Variants in CEP83 observed in about 807,000 individuals in gnomAD.
CEP83 encodes the protein centrosomal protein 83, also known as centrosomal protein of 83 kDa.
CEP83 carries 70 observed loss-of-function variants against 101.9 expected under a neutral mutation model. The observed-to-expected ratio is 0.69, with a 90% CI of 0.57 to 0.84. The LOEUF is 0.84. CEP83 is among the 40% of genes least tolerant of loss of function. The pLI is 0.00. For missense variants in CEP83, 715 were observed against 787.2 expected (o/e 0.91, Z 1.10); for synonymous variants, 264 against 267.9 (o/e 0.99, Z 0.14).
chr12:94,415,695 A>T (rs1161063377), intron 2 of CEP83, among the ~76,000 whole-genome samples: 1 of 151,424 alleles, frequency 6.6e-6, no homozygotes, highest in Non-Finnish European at 1.5e-5. Flanking sequence ...ACTAAATAGT[A>T]AGGCAGAAGT....
At chr12:94,450,173 A>G (rs190632347) in intron 1 of CEP83, among the ~76,000 whole-genome samples, 40 of 152,370 alleles carry the variant, frequency 2.6e-4, no homozygotes, top group African/African-American at 9.4e-4. Context: ...GCAAAAATGA[A>G]GAAATAAATA....
At chr12:94,438,882 A>T (rs1338645388) in intron 1 of CEP83, among the ~76,000 whole-genome samples, 1 of 152,238 alleles carries the variant, frequency 6.6e-6, no homozygotes, top group Non-Finnish European at 1.5e-5. Flanking sequence ...CTTCAAAACT[A>T]TACAAATATA....
intron 2 of CEP83, among the ~76,000 whole-genome samples, chr12:94,433,006 A>C (rs1000497139): frequency 2.6e-5 from 4 of 152,224 alleles, no homozygotes; most frequent in Admixed American, 6.5e-5. Flanking sequence ...GCAGCAGCTA[A>C]AATTAACAAA....
At chr12:94,269,525 A>T in the CEP83 span, among the ~76,000 whole-genome samples, 1 of 152,320 alleles carries the variant, frequency 6.6e-6, no homozygotes, top group East Asian at 1.9e-4. Context: ...TGCTCTGCCT[A>T]CCAGTGCTGG....
chr12:94,311,763 G>T (rs1292091866), intron 15 of CEP83, among the ~76,000 whole-genome samples: 1 of 152,180 alleles, frequency 6.6e-6, no homozygotes, highest in East Asian at 1.9e-4. Context: ...GGCCTTCACA[G>T]ATCATCATCT....
intron 6 of CEP83, among the ~76,000 whole-genome samples, chr12:94,392,601 C>T (rs991638915): frequency 6.6e-6 from 1 of 152,102 alleles, no homozygotes; most frequent in Admixed American, 6.5e-5. Context: ...AGAGCAAACA[C>T]ATTCAAAAGC....
chr12:94,393,163 GAC>G (rs1237484455), intron 6 of CEP83, among the ~76,000 whole-genome samples: 2 of 152,158 alleles, frequency 1.3e-5, no homozygotes, highest in African/African-American at 2.4e-5. Flanking sequence ...GCCTGGAAGA[GAC>G]ACAACAAAAA....
At chr12:94,328,239 G>A (rs1273556900) in intron 14 of CEP83, 1 of 329,612 alleles carries the variant, frequency 3.0e-6, no homozygotes, top group Non-Finnish European at 6.2e-6. Flanking sequence ...TTCAATGGGG[G>A]TGGGGGGAAT....
intron 11 of CEP83, among the ~76,000 whole-genome samples, chr12:94,340,279 A>G (rs554474473): frequency 3.3e-5 from 5 of 152,224 alleles, no homozygotes; most frequent in African/African-American, 1.2e-4. Context: ...GTTATTTGCT[A>G]TTATATCAAA....
downstream of CEP83, among the ~76,000 whole-genome samples, chr12:94,301,827 C>T (rs1239705523): frequency 1.3e-5 from 2 of 152,184 alleles, no homozygotes; most frequent in Non-Finnish European, 1.5e-5. Flanking sequence ...TCTTCCCTAG[C>T]ATTGCCTAGT....
downstream of CEP83, among the ~76,000 whole-genome samples, chr12:94,302,118 C>T (rs560381506): frequency 6.6e-6 from 1 of 152,292 alleles, no homozygotes; most frequent in East Asian, 1.9e-4. Context: ...TGTCAGTCTG[C>T]TTCTTAAAAA....
chr12:94,308,949 G>C, intron 16 of CEP83, 32 bp from the exon 17 acceptor site: 1 of 1,476,950 alleles, frequency 6.8e-7, no homozygotes, highest in Non-Finnish European at 9.5e-7. Context: ...CATAGCAAAA[G>C]AAACTATTAG....
At chr12:94,400,572 TAAGACAA>T (rs942900382) in intron 6 of CEP83, among the ~76,000 whole-genome samples, 3 of 152,082 alleles carry the variant, frequency 2.0e-5, no homozygotes, top group African/African-American at 7.2e-5. Context: ...TGTGGCTACA[TAAGACAA>T]AAGACTTTGT....
intron 13 of CEP83, 35 bp downstream of exon 13, chr12:94,333,447 G>GA: frequency 6.3e-7 from 1 of 1,577,862 alleles, no homozygotes; most frequent in Non-Finnish European, 8.6e-7. Flanking sequence ...ATAGAAAAAA[G>GA]AAAAAATAGT....
intron 11 of CEP83, among the ~76,000 whole-genome samples, chr12:94,345,169 C>A (rs1376727748): frequency 6.6e-6 from 1 of 152,088 alleles, no homozygotes; most frequent in Non-Finnish European, 1.5e-5. Context: ...AAATATTAAT[C>A]TTTTAGAAGA....
At chr12:94,267,613 G>T in the CEP83 span, among the ~76,000 whole-genome samples, 12 of 152,134 alleles carry the variant, frequency 7.9e-5, no homozygotes, top group African/African-American at 2.7e-4. Flanking sequence ...TAGGGGCCTT[G>T]CCTTTAAAAA....
At chr12:94,381,643 G>A (rs1357641227) in intron 6 of CEP83, among the ~76,000 whole-genome samples, 1 of 152,056 alleles carries the variant, frequency 6.6e-6, no homozygotes, top group Admixed American at 6.6e-5. Context: ...ATGGGTAAGA[G>A]AAAAGGCTCT....
the CEP83 span, among the ~76,000 whole-genome samples, chr12:94,290,116 G>T: frequency 6.6e-6 from 1 of 152,196 alleles, no homozygotes; most frequent in South Asian, 2.1e-4. Context: ...CAGTAGTGAA[G>T]TACTGGCTCA....
the CEP83 span, among the ~76,000 whole-genome samples, chr12:94,278,947 A>G: frequency 0.054 from 8,176 of 152,056 alleles, 281 homozygotes; most frequent in East Asian, 0.071. Flanking sequence ...GCAGTGAGCC[A>G]AGATAGCACC....
Sources: gnomAD v4.1 joint callset for allele counts (sites outside exome capture counted in the v4.1 genomes callset) on GRCh38, gnomAD v4.1.1 for gene constraint, MANE v1.5 for transcripts, NCBI Gene and HGNC (gene_info 2026-07-23, HGNC 2026-07-21) for gene names.